The following FOXP2 variants were observed in gnomAD, a reference collection of about 807,000 sequenced individuals.
FOXP2 encodes forkhead box P2, also known as forkhead box protein P2.
FOXP2 carries 12 observed loss-of-function variants against 115.8 expected under a neutral mutation model. The ratio of observed to expected loss-of-function variants is 0.10; its 90% CI spans 0.07 to 0.17. FOXP2 has a LOEUF of 0.17. FOXP2 is among the 10% of genes least tolerant of loss of function. The probability of loss-of-function intolerance (pLI) is 1.00; values close to 1 mark genes in which losing one functional copy is unlikely to be tolerated. For missense variants in FOXP2, 629 were observed against 843.5 expected (o/e 0.75, Z 3.15); for synonymous variants, 328 against 297.7 (o/e 1.10, Z -1.05).
chr7:114,312,037 T>G (rs919236282), intron 2 of FOXP2, among the ~76,000 whole-genome samples: 2 of 152,130 alleles, frequency 1.3e-5, no homozygotes, highest in African/African-American at 4.8e-5. Flanking sequence ...ATACGTGAAC[T>G]TGGCCCAGTC....
intron 3 of FOXP2, among the ~76,000 whole-genome samples, chr7:114,564,073 A>C (rs957790918): frequency 6.8e-6 from 1 of 148,014 alleles, no homozygotes; most frequent in East Asian, 2.0e-4. Flanking sequence ...AAAAACAAAC[A>C]TACAAACAAA....
rs111996430 is a variant in FOXP2 at position 114,489,005 on chromosome 7, A to T, written c.169-45612A>T. ...CCACTGTGATCTCTAAGATTTTATTAGGTTACTCCACCTGCAAAAACAGAT... is the reference window on the plus strand; with the variant it reads ...CCACTGTGATCTCTAAGATTTTATTTGGTTACTCCACCTGCAAAAACAGAT... On this transcript the variant is annotated intron_variant, in intron 2 of 16. Transcript: ENST00000350908. 7.0e-3 allele frequency among the ~76,000 whole-genome samples: 1,073 copies of T among 152,304 alleles called. 10 individuals are homozygous for T. The highest frequency in any genetic ancestry group is 0.025 in the African/African-American group (1,021 of 41,566).
intron 3 of FOXP2, among the ~76,000 whole-genome samples, chr7:114,615,905 G>A (rs1388254442): frequency 2.0e-5 from 3 of 152,136 alleles, no homozygotes; most frequent in African/African-American, 4.8e-5. Context: ...TAGCTTAAAT[G>A]CCACCTCTTG....
At chr7:114,655,174 T>C (rs1806509659) in intron 10 of FOXP2, among the ~76,000 whole-genome samples, 1 of 152,178 alleles carries the variant, frequency 6.6e-6, no homozygotes, top group Non-Finnish European at 1.5e-5. Context: ...TGACTATCTT[T>C]TCAATAAGAT....
At chr7:114,514,240 A>C (rs1798218815) in intron 2 of FOXP2, among the ~76,000 whole-genome samples, 1 of 152,018 alleles carries the variant, frequency 6.6e-6, no homozygotes, top group African/African-American at 2.4e-5. Context: ...ATTTTACCTC[A>C]CATACTTATC....
At chr7:114,424,241 A>T (rs1793740272) in intron 1 of FOXP2, among the ~76,000 whole-genome samples, 1 of 151,394 alleles carries the variant, frequency 6.6e-6, no homozygotes, top group African/African-American at 2.4e-5. Flanking sequence ...GAATTCTTTA[A>T]TTCATCCAAT....
At chr7:114,262,571 T>C (rs937549131) in intron 1 of FOXP2, among the ~76,000 whole-genome samples, 22 of 152,182 alleles carry the variant, frequency 1.4e-4, no homozygotes, top group Non-Finnish European at 1.6e-4. Flanking sequence ...ATCTACATAG[T>C]TCAGTATGGT....
intron 2 of FOXP2, among the ~76,000 whole-genome samples, chr7:114,323,349 T>C (rs1414774118): frequency 5.3e-5 from 8 of 152,118 alleles, no homozygotes; most frequent in Non-Finnish European, 1.5e-5. Context: ...CATTGTGAAA[T>C]TGTCTTTCTC....
intron 1 of FOXP2, among the ~76,000 whole-genome samples, chr7:114,256,854 A>G (rs962431770): frequency 2.8e-4 from 42 of 152,374 alleles, no homozygotes; most frequent in Non-Finnish European, 5.4e-4. Context: ...CAATATAGTG[A>G]AAATGGCCAT....
At chr7:114,352,348 T>G (rs1419657401) in intron 2 of FOXP2, among the ~76,000 whole-genome samples, 1 of 152,094 alleles carries the variant, frequency 6.6e-6, no homozygotes, top group Non-Finnish European at 1.5e-5. Flanking sequence ...ACTTTGGGCC[T>G]CAAAACGATC....
chr7:114,252,948 C>T lies in FOXP2; in HGVS notation c.-101-35071C>T, dbSNP rs141838285. Among the ~76,000 whole-genome samples the T allele has an allele frequency of 6.1e-4, 93 of 152,268 alleles. 4 individuals carry two copies. In the East Asian group the frequency reaches 0.017, roughly 28 times the overall value. ...GGCATTTAGTGCTATAAATTTCCCT[C>T]TACACACTGCTTTAAATGTGTCCCA... On this transcript the variant is annotated intron_variant, in intron 1 of 17. Coordinates refer to the FOXP2 transcript ENST00000634411.
intron 3 of FOXP2, among the ~76,000 whole-genome samples, chr7:114,544,940 A>G (rs1799844172): frequency 6.6e-6 from 1 of 152,188 alleles, no homozygotes; most frequent in African/African-American, 2.4e-5. Context: ...TATACAATTC[A>G]TTTTCAAGTC....
At chr7:114,346,514 C>T (rs997158709) in intron 2 of FOXP2, among the ~76,000 whole-genome samples, 2 of 151,570 alleles carry the variant, frequency 1.3e-5, no homozygotes, top group Admixed American at 6.6e-5. Context: ...TGATAGAATA[C>T]GGAATCAAAC....
rs527282027 is a variant in FOXP2 at position 114,456,463 on chromosome 7, T to C, written c.168+29784T>C. On this transcript the variant is annotated intron_variant, in intron 2 of 16. Transcript: ENST00000350908. ...TGCAACAAAACTTTTTCAACTGTAG[T>C]TTTCTTAGTTTTCAAATGGTGGTAA... 6.6e-5 allele frequency among the ~76,000 whole-genome samples: 10 copies of C among 152,326 alleles called. No individual in the cohort carries two copies. The South Asian group carries it at 2.1e-3, about 32-fold the overall frequency.
At chr7:114,171,985 GA>G (rs1264124786) in intron 1 of FOXP2, among the ~76,000 whole-genome samples, 1 of 152,148 alleles carries the variant, frequency 6.6e-6, no homozygotes, top group Non-Finnish European at 1.5e-5. Flanking sequence ...AAGAGAACTA[GA>G]ATTAGAATTG....
chr7:114,586,089 A>C (rs1343972606), intron 3 of FOXP2, among the ~76,000 whole-genome samples: 1 of 152,106 alleles, frequency 6.6e-6, no homozygotes, highest in Non-Finnish European at 1.5e-5. Context: ...AAAGCAAAAT[A>C]ATTCCAGTAA....
chr7:114,683,304 G>A (rs1334111352), intron 16 of FOXP2, among the ~76,000 whole-genome samples: 1 of 152,160 alleles, frequency 6.6e-6, no homozygotes, highest in East Asian at 1.9e-4. Flanking sequence ...TACTTGGCAA[G>A]ATAAAGTATA....
intron 2 of FOXP2, among the ~76,000 whole-genome samples, chr7:114,438,955 A>G (rs1224079945): frequency 2.0e-5 from 3 of 152,218 alleles, no homozygotes. Flanking sequence ...CTGAGAAGAC[A>G]TTGTTAGATT....
chr7:114,221,560 A>G lies in FOXP2; in HGVS notation c.-102+58472A>G, dbSNP rs957759087. On this transcript the variant is annotated intron_variant, in intron 1 of 17. Coordinates refer to the FOXP2 transcript ENST00000634411. ...TCTTCCTATTTTCTGTTTATCCATT[A>G]CCCCCCTCCCCCAGCCATTGGGTGA... 2.0e-5 allele frequency among the ~76,000 whole-genome samples: 3 copies of G among 151,206 alleles called. No individual in the cohort carries two copies. In the East Asian group the frequency reaches 5.8e-4, roughly 29 times the overall value.
Sources: allele counts gnomAD v4.1 joint callset (sites outside exome capture counted in the v4.1 genomes callset), GRCh38; gene constraint gnomAD v4.1.1; transcripts MANE v1.5; gene names NCBI Gene and HGNC (gene_info 2026-07-23, HGNC 2026-07-21).